The following COL22A1 variants were observed in gnomAD, a reference collection of about 807,000 sequenced individuals.
The protein encoded by COL22A1 is collagen type XXII alpha 1 chain.
COL22A1 carries 221 observed loss-of-function variants against 248.9 expected under a neutral mutation model. The ratio of observed to expected loss-of-function variants is 0.89; its 90% CI spans 0.80 to 0.99. The LOEUF is 0.99. Ranked by LOEUF, COL22A1 falls within the 50% of genes least tolerant of loss-of-function variation. The pLI is 0.00. For synonymous variants in COL22A1, 891 were observed against 793.4 expected, an observed-to-expected ratio of 1.12 and a Z score of -2.07; for missense variants, 2,240 against 2,179.0, an observed-to-expected ratio of 1.03 and a Z score of -0.56.
At chr8:138,757,427 G>A (rs1405300039) in intron 18 of COL22A1, among the ~76,000 whole-genome samples, 2 of 151,726 alleles carry the variant, frequency 1.3e-5, no homozygotes, top group African/African-American at 4.8e-5. Context: ...CCCTTCTGTT[G>A]GTTTCATTGT....
intron 1 of COL22A1, among the ~76,000 whole-genome samples, chr8:138,901,693 A>G (rs1262401399): frequency 1.3e-5 from 2 of 151,936 alleles, no homozygotes; most frequent in Non-Finnish European, 2.9e-5. Flanking sequence ...ACACATCCTC[A>G]CAAGACCCAA....
intron 31 of COL22A1, among the ~76,000 whole-genome samples, chr8:138,700,548 G>T (rs1230573567): frequency 6.6e-6 from 1 of 152,190 alleles, no homozygotes; most frequent in Non-Finnish European, 1.5e-5. Flanking sequence ...TGGGCATCAG[G>T]CAGGGATGCA....
At chr8:138,634,849 C>A (rs1337955990) in intron 49 of COL22A1, among the ~76,000 whole-genome samples, 161 bp downstream of exon 49, 1 of 152,180 alleles carries the variant, frequency 6.6e-6, no homozygotes, top group Non-Finnish European at 1.5e-5. Flanking sequence ...CCCCCACATG[C>A]CTGTGGGACT....
Position 138,821,337 on chromosome 8 carries a change from C to G in COL22A1, c.1044G>C (p.Arg348Ser), listed in dbSNP as rs1819108387. The change falls in exon 7 of 65, where the codon AGG becomes AGC. Residue 348 changes from arginine to serine, a missense_variant. By Grantham distance (110) the Arg-to-Ser change is moderately radical. Transcript: ENST00000303045. ...TGACCCGAGAACCTCGGAAGACCACCCTGACAGCATCTTTCATGGCACCCA... is the reference window on the plus strand; with the variant it reads ...TGACCCGAGAACCTCGGAAGACCACGCTGACAGCATCTTTCATGGCACCCA... ...NAVGAMKDAV[R>S]VVFRGSRVND... The G allele has an allele frequency of 1.9e-6, 3 of 1,614,042 alleles. No individual in the cohort carries two copies. The highest frequency in any genetic ancestry group is 2.7e-5 in the African/African-American group (2 of 74,916).
intron 12 of COL22A1, among the ~76,000 whole-genome samples, chr8:138,789,452 C>A (rs1269052829): frequency 6.6e-6 from 1 of 152,110 alleles, no homozygotes; most frequent in East Asian, 1.9e-4. Flanking sequence ...GCTGATTAAG[C>A]CAGCCATGAA....
At chr8:138,709,411 G>A (rs1265676747) in intron 30 of COL22A1, among the ~76,000 whole-genome samples, 4 of 152,028 alleles carry the variant, frequency 2.6e-5, no homozygotes, top group Non-Finnish European at 1.5e-5. Context: ...ATGATAGACT[G>A]GATTAAGAAA....
chr8:138,613,603 G>A (rs1370291232), intron 56 of COL22A1, among the ~76,000 whole-genome samples: 1 of 152,064 alleles, frequency 6.6e-6, no homozygotes, highest in Non-Finnish European at 1.5e-5. Context: ...CACAGCCTCG[G>A]GGCAAGGTCC....
intron 7 of COL22A1, among the ~76,000 whole-genome samples, chr8:138,819,396 G>C (rs1053976123): frequency 1.3e-5 from 2 of 151,890 alleles, no homozygotes; most frequent in African/African-American, 4.8e-5. Flanking sequence ...ACCAAAGGGG[G>C]ACGTGGGAAC....
rs1817759783 is a variant in COL22A1, at chr8:138,598,851, G to A, written c.4233C>T (p.Gly1411=). The A allele has an allele frequency of 1.9e-6, 3 of 1,614,004 alleles. No individual in the cohort carries two copies. The highest frequency in any genetic ancestry group is 8.5e-7 in the Non-Finnish European group (1 of 1,180,012). ...KGDKGPPGGK[G]QPGDPGIPGH... Reference sequence around the variant, plus strand: ...CTGGGATTCCAGGGTCCCCAGGCTGGCCTTTTCCACCAGGAGGTCCTTTGT... The same window carrying A: ...CTGGGATTCCAGGGTCCCCAGGCTGACCTTTTCCACCAGGAGGTCCTTTGT... Residue 1411 remains glycine (G), a synonymous_variant, in exon 61 of 65, where the codon GGC becomes GGT. Coordinates refer to ENST00000303045, the MANE Select transcript of COL22A1 (RefSeq NM_152888.3).
intron 3 of COL22A1, among the ~76,000 whole-genome samples, chr8:138,857,632 C>G (rs76465136): frequency 0.052 from 7,893 of 152,286 alleles, 236 homozygotes; most frequent in African/African-American, 0.074. Flanking sequence ...GAGGAACAAC[C>G]AAGAAAAGGG....
At chr8:138,718,101 C>G (rs983111047) in intron 27 of COL22A1, among the ~76,000 whole-genome samples, 6 of 150,862 alleles carry the variant, frequency 4.0e-5, no homozygotes, top group Admixed American at 6.6e-5. Context: ...CCAGAACTAC[C>G]AACTTATTGG....
rs749051506 is a variant in COL22A1 at position 138,755,823 on chromosome 8, C to A, written c.1909G>T (p.Val637Leu). The change falls in exon 19 of 65, where the codon GTG becomes TTG. Residue 637 changes from valine (V) to leucine (L), a missense_variant. By Grantham distance (32) the Val-to-Leu change is conservative. Transcript: ENST00000303045. ...ACACCAGGTGGCCCCGCAGGTCCCA[C>A]GTCACCCTGCACAGAAACGACAAAC... ...VAGPQGEKGDVGPAGPPGVPG... is the reference protein window; with the variant it reads ...VAGPQGEKGDLGPAGPPGVPG... The A allele has an allele frequency of 5.0e-6, 8 of 1,614,070 alleles. No homozygotes were observed. Among genetic ancestry groups the A allele is most frequent in the African/African-American group, 1.3e-5 (1 of 75,036 alleles).
At position 138,623,594 on chromosome 8, in the gene COL22A1, A is replaced by G. The variant is rs1587700205; in HGVS notation, c.3771+138T>C. ...ATGGGGACAGCAGTGTTTACTGTGCAGGAGTATGTAAATGAAATAATGCAT... is the reference window on the plus strand; with the variant it reads ...ATGGGGACAGCAGTGTTTACTGTGCGGGAGTATGTAAATGAAATAATGCAT... On this transcript the variant is annotated intron_variant, in intron 52 of 64. Coordinates refer to ENST00000303045, the MANE Select transcript of COL22A1 (RefSeq NM_152888.3). 7 of 727,774 alleles carry G rather than the reference A, an allele frequency of 9.6e-6. No homozygotes were observed. In the South Asian group the frequency reaches 1.1e-4, roughly 11 times the overall value. 45.1% of individuals were successfully genotyped at this position (727,774 alleles called of 1,614,324 possible). A position where few individuals can be genotyped will look rare whatever the true frequency, so the allele number is the denominator to read the frequency against.
intron 3 of COL22A1, among the ~76,000 whole-genome samples, chr8:138,859,901 C>G (rs1822326066): frequency 6.6e-6 from 1 of 152,090 alleles, no homozygotes; most frequent in African/African-American, 2.4e-5. Context: ...TGGCTGTAGG[C>G]TTTCACCTTC....
At chr8:138,617,542 G>A (rs1819438645) in intron 53 of COL22A1, among the ~76,000 whole-genome samples, 2 of 152,168 alleles carry the variant, frequency 1.3e-5, no homozygotes, top group African/African-American at 4.8e-5. Flanking sequence ...CCCTGTGAGT[G>A]AAGATTAAAC....
intron 12 of COL22A1, among the ~76,000 whole-genome samples, chr8:138,795,988 C>A (rs1317115): frequency 0.031 from 4,721 of 152,240 alleles, 154 homozygotes; most frequent in African/African-American, 0.079. Context: ...TGAGTCCACG[C>A]GTGCCTGTAC....
At chr8:138,859,224 T>C (rs1189907030) in intron 3 of COL22A1, among the ~76,000 whole-genome samples, 2 of 152,174 alleles carry the variant, frequency 1.3e-5, no homozygotes, top group Admixed American at 6.5e-5. Flanking sequence ...ACTCACACAG[T>C]CGTGACCCCA....
chr8:138,652,926 T>A (rs1162043337), intron 45 of COL22A1, among the ~76,000 whole-genome samples: 1 of 151,698 alleles, frequency 6.6e-6, no homozygotes, highest in Non-Finnish European at 1.5e-5. Flanking sequence ...TTTGTATTTT[T>A]AGTAGAGACG....
At chr8:138,667,566 C>G (rs904532329) in intron 41 of COL22A1, among the ~76,000 whole-genome samples, 9 of 152,110 alleles carry the variant, frequency 5.9e-5, no homozygotes, top group African/African-American at 2.2e-4. Context: ...GTCCTTTTTG[C>G]AAGATGCTAG....
Sources: allele counts gnomAD v4.1 joint callset (sites outside exome capture counted in the v4.1 genomes callset), GRCh38; gene constraint gnomAD v4.1.1; transcripts MANE v1.5; gene names NCBI Gene and HGNC (gene_info 2026-07-23, HGNC 2026-07-21).